The following KIF19 variants were observed in gnomAD, a reference collection of about 807,000 sequenced individuals.
KIF19 encodes kinesin-like protein KIF19.
In KIF19, 98 loss-of-function variants were observed where a neutral mutation model predicts 106.6. The ratio of observed to expected loss-of-function variants is 0.92; its 90% CI spans 0.78 to 1.09. The LOEUF (loss-of-function observed/expected upper bound fraction) is 1.09. Among genes scored for constraint, KIF19 ranks in the 50% least tolerant of loss-of-function variants. The probability of loss-of-function intolerance (pLI) is 0.00; values close to 1 mark genes in which losing one functional copy is unlikely to be tolerated. For missense variants in KIF19, 1,373 were observed against 1,414.3 expected (o/e 0.97, Z 0.47); for synonymous variants, 516 against 584.2 (o/e 0.88, Z 1.68).
intron 4 of KIF19, 39 bp downstream of exon 4, chr17:74,342,756 G>A (rs1200388291): frequency 6.4e-7 from 1 of 1,562,536 alleles, no homozygotes; most frequent in Non-Finnish European, 8.8e-7. Context: ...GGACCGCAAT[G>A]CCCCTGTAAT....
intron 2 of KIF19, among the ~76,000 whole-genome samples, chr17:74,336,589 G>A (rs993648105): frequency 3.9e-5 from 6 of 152,144 alleles, no homozygotes; most frequent in African/African-American, 1.4e-4. Context: ...TTCACAACAT[G>A]AAATCTCGGG....
At position 74,349,186 on chromosome 17, in the gene KIF19, G is replaced by A. The variant is rs569242815; in HGVS notation, c.1050G>A (p.Val350=). Reference sequence around the variant, plus strand: ...CGCTCCATACGTGTTCCCTGCAGGTGAAGCAGAACCTCCTGAACGTCTCCT... The same window carrying A: ...CGCTCCATACGTGTTCCCTGCAGGTAAAGCAGAACCTCCTGAACGTCTCCT... ...AGRAKNIKTR[V]KQNLLNVSYH... Residue 350 remains valine (V), a splice_region_variant and synonymous_variant, in exon 10 of 20, where the codon GTG becomes GTA. Transcript: ENST00000389916. The A allele has an allele frequency of 1.1e-5, 17 of 1,613,798 alleles. No homozygotes were observed. The South Asian group carries it at 1.6e-4, about 16-fold the overall frequency.
At position 74,343,060 on chromosome 17, in the gene KIF19, AG is replaced by A. The variant is rs1360646517; in HGVS notation, c.358del (p.Glu120SerfsTer38). The A allele has an allele frequency of 1.2e-6, 2 of 1,611,672 alleles. No homozygotes were observed. The highest frequency in any genetic ancestry group is 1.7e-6 in the Non-Finnish European group (2 of 1,179,140). On this transcript the variant is annotated frameshift_variant, in exon 5 of 20. Transcript: ENST00000389916. LOFTEE classifies it high-confidence loss of function. ...ACCTACACCATGCTGGGCACAGACC[AG>A]GAGCCTGGCATCTATGTTCAGACCC... is the stretch of plus-strand genomic sequence containing the variant. ...GKTYTMLGTDQEPGIYVQTLN... is the reference protein window; with the variant it reads ...GKTYTMLGTDXEPGIYVQTLN...
intron 17 of KIF19, among the ~76,000 whole-genome samples, chr17:74,353,818 A>G (rs1390139197): frequency 1.3e-5 from 2 of 152,226 alleles, no homozygotes; most frequent in African/African-American, 2.4e-5. Context: ...ATTAGAAAAG[A>G]GACATGTGGC....
At chr17:74,353,700 C>T (rs1342693005) in intron 17 of KIF19, 119 bp downstream of exon 17, 4 of 799,932 alleles carry the variant, frequency 5.0e-6, no homozygotes, top group Non-Finnish European at 8.4e-6. Flanking sequence ...GCATTGGGTG[C>T]TACACATTCT....
At chr17:74,333,361 A>ATTT (rs35232394) in intron 2 of KIF19, among the ~76,000 whole-genome samples, 8,895 of 129,270 alleles carry the variant, frequency 0.069, 588 homozygotes, top group East Asian at 0.27. Flanking sequence ...TGTGGTCCTA[A>ATTT]TTTTTTTTTT....
intron 2 of KIF19, among the ~76,000 whole-genome samples, chr17:74,334,582 T>C (rs1799075680): frequency 6.6e-6 from 1 of 152,184 alleles, no homozygotes; most frequent in African/African-American, 2.4e-5. Context: ...GGTGGCTTTA[T>C]GAGCTCAGCA....
chr17:74,354,580 G>A, intron 18 of KIF19, 21 bp downstream of exon 18: 2 of 1,575,394 alleles, frequency 1.3e-6, no homozygotes, highest in African/African-American at 1.3e-5. Context: ...GCGCAGGGGT[G>A]GGTGTCTAGG....
chr17:74,330,148 G>A (rs1007336346), intron 2 of KIF19, among the ~76,000 whole-genome samples: 1 of 152,236 alleles, frequency 6.6e-6, no homozygotes, highest in Non-Finnish European at 1.5e-5. Context: ...GGGGAAAGCA[G>A]GGGATGACTG....
At position 74,345,571 on chromosome 17, in the gene KIF19, G is replaced by A. The variant is rs566065992; in HGVS notation, c.777+616G>A. Among the ~76,000 whole-genome samples the A allele has an allele frequency of 3.3e-5, 5 of 152,284 alleles. No individual in the cohort carries two copies. The East Asian group carries it at 7.7e-4, about 24-fold the overall frequency. ...GCAGCCTTGGTGGCAGCACCACCCA[G>A]CTGGTGTAGGTCTGGGCTCCCTCGT... is the stretch of plus-strand genomic sequence containing the variant. On this transcript the variant is annotated intron_variant, in intron 7 of 19. Transcript: ENST00000389916.
Position 74,353,497 on chromosome 17 carries a change from C to A in KIF19, c.2224C>A (p.Pro742Thr). 1 of 1,613,804 alleles carries A rather than the reference C, an allele frequency of 6.2e-7. No individual in the cohort carries two copies. Among genetic ancestry groups the A allele is most frequent in the Non-Finnish European group, 8.5e-7 (1 of 1,179,824 alleles). ...QLGSLVTQEA[P>T]AQDSLGSWIN... The stretch of plus-strand genomic sequence containing the variant: ...TCCCAACCACTCCACCCCACAGGCC[C>A]CGGCTCAGGACAGCCTGGGCAGCTG... The change falls in exon 17 of 20, where the codon CCG (proline) becomes ACG (threonine). Residue 742 changes from proline (P) to threonine (T), a missense_variant. Pro to Thr is a conservative substitution (Grantham distance 38, BLOSUM62 -1). Transcript: ENST00000389916.
chr17:74,327,264 G>C (rs1047186711), intron 1 of KIF19, among the ~76,000 whole-genome samples: 2 of 152,296 alleles, frequency 1.3e-5, no homozygotes, highest in East Asian at 1.9e-4. Flanking sequence ...AGGAGCCTCA[G>C]CTCCAGCCCC....
At chr17:74,328,218 G>T (rs2053966825) in intron 1 of KIF19, among the ~76,000 whole-genome samples, 1 of 152,152 alleles carries the variant, frequency 6.6e-6, no homozygotes. Context: ...TCTCCCGGAG[G>T]CCAGGGCTCC....
At chr17:74,342,503 C>A in intron 3 of KIF19, 127 bp from the exon 4 acceptor site, 1 of 697,996 alleles carries the variant, frequency 1.4e-6, no homozygotes, top group East Asian at 2.7e-5. Flanking sequence ...ACCCCCCACC[C>A]CCACTTATCT....
At chr17:74,332,404 G>A (rs1369412010) in intron 2 of KIF19, among the ~76,000 whole-genome samples, 1 of 152,018 alleles carries the variant, frequency 6.6e-6, no homozygotes, top group Non-Finnish European at 1.5e-5. Context: ...GGCTGGTGGG[G>A]CCTCAGCGTT....
At chr17:74,327,120 GCCC>G (rs1382045770) in intron 1 of KIF19, among the ~76,000 whole-genome samples, 1 of 152,152 alleles carries the variant, frequency 6.6e-6, no homozygotes, top group Admixed American at 6.5e-5. Flanking sequence ...CTCTCAGCAA[GCCC>G]CTTCCTCATC....
At chr17:74,347,704 G>A (rs2054576007) in intron 8 of KIF19, 73 bp from the exon 9 acceptor site, 7 of 1,526,248 alleles carry the variant, frequency 4.6e-6, no homozygotes, top group African/African-American at 2.7e-5. Context: ...GCCAGGGAGG[G>A]CATCGTGAAC....
chr17:74,353,842 TC>T (rs1304014131), intron 17 of KIF19, among the ~76,000 whole-genome samples: 3 of 151,916 alleles, frequency 2.0e-5, no homozygotes, highest in Non-Finnish European at 4.4e-5. Flanking sequence ...GAGACTTATG[TC>T]CCCCCTCCCC....
rs373261356 is a variant in KIF19 at position 74,344,395 on chromosome 17, G to A, written c.582+47G>A. On this transcript the variant is annotated intron_variant, in intron 6 of 19. Transcript: ENST00000389916. Reference sequence around the variant, plus strand: ...TGGAGCCGCTGAGAGGAAGCTCACCGCCTGAGGGGCAGGAGGGGCGGGGAC... The same window carrying A: ...TGGAGCCGCTGAGAGGAAGCTCACCACCTGAGGGGCAGGAGGGGCGGGGAC... The A allele has an allele frequency of 1.9e-4, 300 of 1,595,442 alleles. 1 individual carries two copies. In the African/African-American group the frequency reaches 2.2e-3, roughly 12 times the overall value.
Sources: gnomAD v4.1 joint callset for allele counts (sites outside exome capture counted in the v4.1 genomes callset) on GRCh38, gnomAD v4.1.1 for gene constraint, MANE v1.5 for transcripts, NCBI Gene and HGNC (gene_info 2026-07-23, HGNC 2026-07-21) for gene names.